ABLIM2: variants seen among roughly 807,000 people sequenced by gnomAD.
ABLIM2 encodes the protein actin binding LIM protein family member 2.
A neutral mutation model predicts 97.7 loss-of-function variants in ABLIM2; 53 were observed. That is an observed-to-expected ratio of 0.54 (90% CI 0.44 to 0.68). The LOEUF (loss-of-function observed/expected upper bound fraction) is 0.68. Ranked by LOEUF, ABLIM2 falls within the 30% of genes least tolerant of loss-of-function variation. The probability of loss-of-function intolerance (pLI) is 0.00; values close to 1 mark genes in which losing one functional copy is unlikely to be tolerated. For missense variants in ABLIM2, 835 were observed against 867.2 expected (o/e 0.96, Z 0.47); for synonymous variants, 361 against 345.8 (o/e 1.04, Z -0.49).
rs1723421782 is a variant in ABLIM2 at position 7,967,087 on chromosome 4, T to G, written c.1841A>C (p.Glu614Ala). 5.0e-6 allele frequency: 8 copies of G among 1,613,492 alleles called. No individual in the cohort carries two copies. The highest frequency in any genetic ancestry group is 6.8e-6 in the Non-Finnish European group (8 of 1,179,854). ...RTRLERHLSP[E>A]EFQEVFGMSI... ...CATCCCAAACACTTCCTGGAACTCC[T>G]CGGGCGACAAGTGTCTCTTCAAACA... Residue 614 changes from glutamate to alanine, a missense_variant, in exon 21 of 21, where the codon GAG becomes GCG. Glu to Ala is a moderately radical substitution (Grantham distance 107). Transcript: ENST00000447017.
rs757658947 is a variant in ABLIM2, at chr4:7,992,859, T to C, written c.1680+7A>G. The C allele has an allele frequency of 8.1e-6, 13 of 1,611,878 alleles. No individual in the cohort carries two copies. The highest frequency in any genetic ancestry group is 1.1e-5 in the Non-Finnish European group (13 of 1,179,340). ...TACCCTGTGGCCAGGGAGGGGTCAG[T>C]ACCTACCCGCTGGTCCAAGCCATTC... is the stretch of plus-strand genomic sequence containing the variant. On this transcript the variant is annotated splice_region_variant and intron_variant, in intron 17 of 20. Transcript: ENST00000447017. This position sits in a 1 kb window ranked among gnomAD's most constrained non-coding sequence, Gnocchi z 5.7.
chr4:7,987,098 T>G (rs1484025065), intron 17 of ABLIM2, among the ~76,000 whole-genome samples: 1 of 152,206 alleles, frequency 6.6e-6, no homozygotes, highest in Admixed American at 6.5e-5. Flanking sequence ...CACCTCAGCC[T>G]TCTGGGTAGG....
At chr4:8,063,344 C>T (rs1262915749) in intron 6 of ABLIM2, among the ~76,000 whole-genome samples, 4 of 152,362 alleles carry the variant, frequency 2.6e-5, no homozygotes, top group African/African-American at 4.8e-5. Flanking sequence ...AGATTATAGG[C>T]GTGAGCCACC....
At chr4:7,971,632 C>T (rs1456575107) in intron 20 of ABLIM2, among the ~76,000 whole-genome samples, 3 of 152,110 alleles carry the variant, frequency 2.0e-5, no homozygotes, top group South Asian at 4.1e-4. Flanking sequence ...CCACCTGGAC[C>T]TCCAGGGCCA....
chr4:8,114,482 G>A (rs1023952200), intron 1 of ABLIM2, among the ~76,000 whole-genome samples: 4 of 152,154 alleles, frequency 2.6e-5, no homozygotes, highest in South Asian at 2.1e-4. Flanking sequence ...GTCATGCCTC[G>A]GTTTAAGAGC....
chr4:7,980,849 G>A (rs1462434887), intron 20 of ABLIM2, among the ~76,000 whole-genome samples: 3 of 151,230 alleles, frequency 2.0e-5, no homozygotes, highest in Non-Finnish European at 4.4e-5. Flanking sequence ...TTAAAAGTCC[G>A]AATAGGAAAC....
At chr4:7,984,943 G>A in intron 17 of ABLIM2, 50 bp from the exon 18 acceptor site, 1 of 1,579,502 alleles carries the variant, frequency 6.3e-7, no homozygotes, top group Non-Finnish European at 8.6e-7. Flanking sequence ...GCACGAGGGT[G>A]TGTGGATGGG....
In ABLIM2 at chr4:7,965,539, G is replaced by C. The variant is rs1217005456; in HGVS notation, c.*1451C>G. ...GCGTGTCATGGGCGCTAAGGAAACG[G>C]AGTAAGGCCGACTCACAGGCAGGAA... is the stretch of plus-strand genomic sequence containing the variant. On this transcript the variant is annotated 3_prime_UTR_variant, in exon 21 of 21. Transcript: ENST00000447017. 2 of 152,518 alleles carry C rather than the reference G, an allele frequency of 1.3e-5. No homozygotes were observed. Among genetic ancestry groups the C allele is most frequent in the African/African-American group, 4.8e-5 (2 of 41,440 alleles). 9.4% of individuals were successfully genotyped at this position (152,518 alleles called of 1,614,324 possible).
At position 7,972,495 on chromosome 4, in the gene ABLIM2, G is replaced by A. The variant is rs183910824; in HGVS notation, c.1825-5392C>T. ...GACCTTCTCTGGCTCTCAGCACCAT[G>A]AGGGTGGGCACAGGCCTGTCTGCTC... On this transcript the variant is annotated intron_variant, in intron 20 of 20. Coordinates refer to ENST00000447017, the MANE Select transcript of ABLIM2 (RefSeq NM_001130083.2). Among the ~76,000 whole-genome samples the A allele has an allele frequency of 5.1e-4, 78 of 152,334 alleles. 1 individual carries two copies. The East Asian group carries it at 0.013, about 25-fold the overall frequency.
chr4:8,059,313 G>C (rs914146208), intron 7 of ABLIM2, among the ~76,000 whole-genome samples: 1 of 151,980 alleles, frequency 6.6e-6, no homozygotes, highest in Non-Finnish European at 1.5e-5. Flanking sequence ...ATTACTGGGG[G>C]AAACAGCAGA....
Position 8,095,278 on chromosome 4 carries a change from A to T in ABLIM2, c.338+1821T>A, listed in dbSNP as rs1830957275. Among the ~76,000 whole-genome samples the T allele has an allele frequency of 6.6e-6, 1 of 151,796 alleles. No individual in the cohort carries two copies. The highest frequency in any genetic ancestry group is 2.1e-4 in the South Asian group (1 of 4,810). On this transcript the variant is annotated intron_variant, in intron 3 of 20. Coordinates refer to ENST00000447017, the MANE Select transcript of ABLIM2 (RefSeq NM_001130083.2). This position sits in a 1 kb window ranked among gnomAD's most constrained non-coding sequence, Gnocchi z 4.7. ...ACCACCATGCCAGACTAATTTTTAA[A>T]TTTTTTGTAGAGACAGGGTCTTGCT...
intron 16 of ABLIM2, chr4:8,007,731 A>G: frequency 9.1e-7 from 1 of 1,096,752 alleles, no homozygotes; most frequent in Non-Finnish European, 1.1e-6. Context: ...ACAGGCCCTG[A>G]CTTCCACCCG....
Position 8,127,068 on chromosome 4 carries a change from GAAA to G in ABLIM2, c.11-20434_11-20432del, listed in dbSNP as rs534244270. Among the ~76,000 whole-genome samples the G allele has an allele frequency of 1.7e-5, 2 of 116,084 alleles. No homozygotes were observed. Among genetic ancestry groups the G allele is most frequent in the African/African-American group, 6.1e-5 (2 of 32,584 alleles). 76.2% of individuals were successfully genotyped at this position (116,084 alleles called of 152,430 possible). A position where few individuals can be genotyped will look rare whatever the true frequency, so the allele number is the denominator to read the frequency against. ...GTGACAGAGTGAGTCCCTGCCTCCA[GAAA>G]AAAAAAAAAAAAATGCCTGCAGACA... On this transcript the variant is annotated intron_variant, in intron 1 of 20. Coordinates refer to ENST00000447017, the MANE Select transcript of ABLIM2 (RefSeq NM_001130083.2). The surrounding 1 kb of genome is among the most constrained non-coding windows in gnomAD (Gnocchi z 7.3).
intron 5 of ABLIM2, among the ~76,000 whole-genome samples, chr4:8,079,455 G>A (rs995570020): frequency 3.3e-5 from 5 of 152,180 alleles, no homozygotes; most frequent in Admixed American, 3.3e-4. Flanking sequence ...ACCACACCGG[G>A]CGGTCCCTGG....
intron 17 of ABLIM2, among the ~76,000 whole-genome samples, chr4:7,987,972 C>T (rs1231186394): frequency 6.6e-6 from 1 of 152,120 alleles, no homozygotes; most frequent in Non-Finnish European, 1.5e-5. Flanking sequence ...AGTGCAGGCA[C>T]CAGGGATTTT....
chr4:8,000,604 C>T (rs1056075567), intron 16 of ABLIM2, among the ~76,000 whole-genome samples: 1 of 152,110 alleles, frequency 6.6e-6, no homozygotes, highest in Non-Finnish European at 1.5e-5. Context: ...CTCTTCTGGA[C>T]AGTTCTGCGG....
At chr4:7,974,657 C>T (rs1258638315) in intron 20 of ABLIM2, among the ~76,000 whole-genome samples, 4 of 151,344 alleles carry the variant, frequency 2.6e-5, no homozygotes, top group Non-Finnish European at 4.4e-5. Context: ...ACCCACCTAC[C>T]CACCTATCCA....
At chr4:7,985,446 TTC>T (rs1743059844) in intron 17 of ABLIM2, among the ~76,000 whole-genome samples, 1 of 152,126 alleles carries the variant, frequency 6.6e-6, no homozygotes, top group Non-Finnish European at 1.5e-5. Flanking sequence ...GGCTGCCGTC[TTC>T]TGGCACTGTG....
intron 2 of ABLIM2, among the ~76,000 whole-genome samples, chr4:8,100,010 G>C (rs1286857603): frequency 6.6e-6 from 1 of 152,216 alleles, no homozygotes; most frequent in Non-Finnish European, 1.5e-5. Flanking sequence ...GCAGGAGGCA[G>C]GGCAGGTGGG....
Sources: gnomAD v4.1 joint callset for allele counts (sites outside exome capture counted in the v4.1 genomes callset) on GRCh38, gnomAD v4.1.1 for gene constraint, Gnocchi (gnomAD v3.1) non-coding constraint, MANE v1.5 for transcripts, NCBI Gene and HGNC (gene_info 2026-07-23, HGNC 2026-07-21) for gene names.